The following GLDC variants were observed in gnomAD, a reference collection of about 807,000 sequenced individuals.
GLDC encodes the protein glycine dehydrogenase (decarboxylating), mitochondrial.
Under a neutral mutation model 121.3 loss-of-function variants are expected in GLDC, and 104 were observed. That is an observed-to-expected ratio of 0.86 (90% CI 0.73 to 1.01). GLDC has a LOEUF of 1.01. GLDC is among the 50% of genes least tolerant of loss of function. GLDC has a pLI of 0.00. For missense variants in GLDC, 1,429 were observed against 1,306.6 expected (o/e 1.09, Z -1.44); for synonymous variants, 546 against 480.6 (o/e 1.14, Z -1.78).
intron 15 of GLDC, among the ~76,000 whole-genome samples, chr9:6,586,510 T>C (rs1333727078): frequency 1.3e-5 from 2 of 152,108 alleles, no homozygotes; most frequent in Non-Finnish European, 2.9e-5. Flanking sequence ...AAGGGACCTT[T>C]CAAAGTTAGT....
chr9:6,602,597 C>T (rs987396447), intron 7 of GLDC, among the ~76,000 whole-genome samples: 2 of 152,104 alleles, frequency 1.3e-5, no homozygotes, highest in Admixed American at 6.6e-5. Flanking sequence ...AGGTGATCCG[C>T]CTGCCTTGGC....
intron 8 of GLDC, among the ~76,000 whole-genome samples, chr9:6,599,804 A>C (rs1240545594): frequency 6.6e-6 from 1 of 152,074 alleles, no homozygotes; most frequent in African/African-American, 2.4e-5. Context: ...TGTGCCAACC[A>C]CCTTTCCTTC....
At chr9:6,606,775 TA>T in intron 4 of GLDC, 106 bp from the exon 5 acceptor site, 1 of 791,992 alleles carries the variant, frequency 1.3e-6, no homozygotes, top group Admixed American at 1.8e-5. Flanking sequence ...AAGCACAGTA[TA>T]AAAAATACTG....
intron 15 of GLDC, among the ~76,000 whole-genome samples, chr9:6,582,254 C>T (rs892805876): frequency 1.8e-4 from 27 of 147,276 alleles, no homozygotes; most frequent in Non-Finnish European, 3.4e-4. Flanking sequence ...CATGGTGTCT[C>T]ACGCCTGTAA....
intron 15 of GLDC, among the ~76,000 whole-genome samples, chr9:6,586,708 C>T (rs926820381): frequency 6.6e-6 from 1 of 152,176 alleles, no homozygotes; most frequent in African/African-American, 2.4e-5. Context: ...GTCCCCTCCC[C>T]GATTCAATCT....
chr9:6,642,293 G>A (rs1819645135), intron 2 of GLDC, among the ~76,000 whole-genome samples: 1 of 152,160 alleles, frequency 6.6e-6, no homozygotes, highest in South Asian at 2.1e-4. Context: ...ATTTTGGGAG[G>A]CCAAGGTGGG....
chr9:6,546,988 T>C (rs1817407368), intron 21 of GLDC, among the ~76,000 whole-genome samples: 1 of 151,718 alleles, frequency 6.6e-6, no homozygotes. Context: ...ATAATAATAA[T>C]GATAAGAAGC....
intron 15 of GLDC, among the ~76,000 whole-genome samples, chr9:6,575,797 T>C (rs1818053299): frequency 6.6e-6 from 1 of 152,250 alleles, no homozygotes; most frequent in African/African-American, 2.4e-5. Flanking sequence ...ATCATAATTC[T>C]AAACTAGCAA....
intron 20 of GLDC, 62 bp downstream of exon 20, chr9:6,553,306 G>C: frequency 1.4e-6 from 2 of 1,446,026 alleles, no homozygotes; most frequent in Non-Finnish European, 9.7e-7. Context: ...GCAGTATCCG[G>C]TCCCCATGCA....
At chr9:6,552,010 G>A (rs545266982) in intron 20 of GLDC, among the ~76,000 whole-genome samples, 1 of 152,288 alleles carries the variant, frequency 6.6e-6, no homozygotes, top group South Asian at 2.1e-4. Context: ...CATTCTGAAA[G>A]AATCCCCTAA....
intron 5 of GLDC, among the ~76,000 whole-genome samples, chr9:6,606,304 C>G (rs1179670110): frequency 1.7e-5 from 2 of 118,970 alleles, no homozygotes; most frequent in South Asian, 2.6e-4. Flanking sequence ...AGCGAGACTC[C>G]GTCTCAAAAA....
At chr9:6,622,159 G>GACACACACACACACACACAC (rs60752054) in intron 2 of GLDC, among the ~76,000 whole-genome samples, 1 of 145,328 alleles carries the variant, frequency 6.9e-6, no homozygotes, top group Non-Finnish European at 1.5e-5. Context: ...CACACACACA[G>GACACACACACACACACACAC]ACACACACAC....
In GLDC at chr9:6,602,210, A is replaced by G. The variant is rs1291186131; in HGVS notation, c.1059-5T>C. 3 of 1,573,206 alleles carry G rather than the reference A, an allele frequency of 1.9e-6. No individual in the cohort carries two copies. The African/African-American group carries it at 4.0e-5, about 21-fold the overall frequency. On this transcript the variant is annotated splice_region_variant and splice_polypyrimidine_tract_variant and intron_variant, in intron 7 of 24. Coordinates refer to ENST00000321612, the MANE Select transcript of GLDC (RefSeq NM_000170.3). ...ACTTCTTTCCCAGTGGCATCTCTAC[A>G]CCAAGAATAAGGCATCCAGTTAGCA... is the stretch of plus-strand genomic sequence containing the variant.
chr9:6,534,730 C>T lies in GLDC; in HGVS notation c.2897G>A (p.Arg966Lys), dbSNP rs1563826851. 6.2e-7 allele frequency: 1 copy of T among 1,604,086 alleles called. No individual in the cohort carries two copies. The highest frequency in any genetic ancestry group is 8.5e-7 in the Non-Finnish European group (1 of 1,170,932). Residue 966 changes from arginine (R) to lysine (K), a missense_variant, in exon 24 of 25, where the codon AGA becomes AAA. Transcript: ENST00000321612. ...TACGAGTGGGAATGCTGCCACCTCT[C>T]TGGAATAAGGCCGGTCCCAGTGGGA... Reference protein sequence around the residue: ...TSSHWDRPYSREVAAFPLPFV... With the variant: ...TSSHWDRPYSKEVAAFPLPFV...
At chr9:6,588,359 T>C (rs1441580209) in intron 14 of GLDC, 42 bp downstream of exon 14, 6 of 1,416,154 alleles carry the variant, frequency 4.2e-6, no homozygotes, top group Non-Finnish European at 6.0e-6. Flanking sequence ...GCTAGAACAC[T>C]GCCCCTTGCT....
At chr9:6,604,875 G>A (rs559129246) in intron 6 of GLDC, 91 bp from the exon 7 acceptor site, 121 of 1,089,234 alleles carry the variant, frequency 1.1e-4, no homozygotes, top group Non-Finnish European at 1.5e-4. Context: ...ACAGGAAGAC[G>A]GGCAGAGTGT....
At chr9:6,591,932 C>T in intron 11 of GLDC, 1 of 482,694 alleles carries the variant, frequency 2.1e-6, no homozygotes, top group Non-Finnish European at 3.8e-6. Flanking sequence ...ATCTTTCCAA[C>T]TAGCCTGGGT....
At position 6,540,123 on chromosome 9, in the gene GLDC, A is replaced by T. The variant is rs375375700; in HGVS notation, c.2593T>A (p.Leu865Met). 2.4e-5 allele frequency: 38 copies of T among 1,612,152 alleles called. No homozygotes were observed. The highest frequency in any genetic ancestry group is 3.2e-5 in the Non-Finnish European group (38 of 1,178,294). ...ARGYVGHEFI[L>M]DTRPFKKSAN... Reference sequence around the variant, plus strand: ...GACTTTTTGAAGGGTCTCGTGTCCAAAATAAATTCATGACCCACATAACCT... The same window carrying T: ...GACTTTTTGAAGGGTCTCGTGTCCATAATAAATTCATGACCCACATAACCT... The change falls in exon 22 of 25, where the codon TTG becomes ATG. Residue 865 changes from leucine to methionine, a missense_variant. Leu to Met is a conservative substitution (Grantham distance 15, BLOSUM62 2). Coordinates refer to ENST00000321612, the MANE Select transcript of GLDC (RefSeq NM_000170.3).
At chr9:6,613,266 A>G (rs1818897917) in intron 3 of GLDC, among the ~76,000 whole-genome samples, 1 of 152,234 alleles carries the variant, frequency 6.6e-6, no homozygotes, top group Admixed American at 6.5e-5. Context: ...AAACTTTAAC[A>G]TAACTACAGT....
Sources: allele counts gnomAD v4.1 joint callset (sites outside exome capture counted in the v4.1 genomes callset), GRCh38; gene constraint gnomAD v4.1.1; transcripts MANE v1.5; gene names NCBI Gene and HGNC (gene_info 2026-07-23, HGNC 2026-07-21).